Variants in TTLL11 observed in about 807,000 individuals in gnomAD.
TTLL11 encodes the protein tubulin tyrosine ligase like 11.
Under a neutral mutation model 51.7 loss-of-function variants are expected in TTLL11, and 42 were observed. The observed-to-expected ratio is 0.81, with a 90% CI of 0.64 to 1.05. The LOEUF (loss-of-function observed/expected upper bound fraction) is 1.05, where lower values mean the gene tolerates loss of function less well. Among genes scored for constraint, TTLL11 ranks in the 50% least tolerant of loss-of-function variants. TTLL11 has a pLI of 0.00. For synonymous variants in TTLL11, 381 were observed against 383.5 expected, an observed-to-expected ratio of 0.99 and a Z score of 0.08; for missense variants, 799 against 940.4, an observed-to-expected ratio of 0.85 and a Z score of 1.97.
chr9:121,921,729 G>A (rs1840552732), intron 6 of TTLL11, among the ~76,000 whole-genome samples: 2 of 152,130 alleles, frequency 1.3e-5, no homozygotes, highest in African/African-American at 2.4e-5. Context: ...AGGGAGCAGG[G>A]GATTGAAAAT....
At chr9:122,076,408 C>A (rs1845860033) in intron 1 of TTLL11, among the ~76,000 whole-genome samples, 1 of 152,164 alleles carries the variant, frequency 6.6e-6, no homozygotes, top group Admixed American at 6.5e-5. Context: ...CTCTGAAATG[C>A]CACATCCTCA....
At chr9:121,967,817 G>T (rs1842447596) in intron 6 of TTLL11, among the ~76,000 whole-genome samples, 1 of 152,150 alleles carries the variant, frequency 6.6e-6, no homozygotes, top group African/African-American at 2.4e-5. Flanking sequence ...GCTGTAAAAA[G>T]GAATGAAGTA....
chr9:122,071,233 C>T (rs1845718915), intron 1 of TTLL11, among the ~76,000 whole-genome samples: 1 of 152,168 alleles, frequency 6.6e-6, no homozygotes, highest in East Asian at 1.9e-4. Context: ...TTTGATTTAA[C>T]TCTGTGTTTT....
At chr9:121,855,974 G>C (rs931231293) in intron 8 of TTLL11, among the ~76,000 whole-genome samples, 4 of 152,182 alleles carry the variant, frequency 2.6e-5, no homozygotes. Context: ...ATCGTCAACT[G>C]TATGTCATAT....
intron 6 of TTLL11, among the ~76,000 whole-genome samples, chr9:121,904,694 C>CT (rs1839877775): frequency 6.6e-6 from 1 of 152,240 alleles, no homozygotes; most frequent in African/African-American, 2.4e-5. Context: ...TCCAACTGGG[C>CT]TTCTGCCCTT....
At chr9:122,058,410 A>G (rs909800462) in intron 1 of TTLL11, among the ~76,000 whole-genome samples, 2 of 152,204 alleles carry the variant, frequency 1.3e-5, no homozygotes, top group African/African-American at 4.8e-5. Context: ...TACAGCTGTC[A>G]TGTTCAGATT....
In TTLL11 at chr9:121,822,523, C is replaced by A; in HGVS notation, c.*64G>T. 1 of 1,390,874 alleles carries A rather than the reference C, an allele frequency of 7.2e-7. No homozygotes were observed. The highest frequency in any genetic ancestry group is 9.4e-7 in the Non-Finnish European group (1 of 1,061,756). 86.2% of individuals were successfully genotyped at this position (1,390,874 alleles called of 1,614,324 possible). The stretch of plus-strand genomic sequence containing the variant: ...CTGCCATTCCTCTGCAGGCAGAATG[C>A]CTGGGGCGCTCCAGCCCTGAAAGCT... On this transcript the variant is annotated 3_prime_UTR_variant, in exon 9 of 9. Transcript: ENST00000321582. This position sits in a 1 kb window ranked among gnomAD's most constrained non-coding sequence, Gnocchi z 5.8.
chr9:122,069,323 A>G (rs1332376607), intron 1 of TTLL11, among the ~76,000 whole-genome samples: 1 of 152,126 alleles, frequency 6.6e-6, no homozygotes, highest in Non-Finnish European at 1.5e-5. Context: ...TTCAAAGCAA[A>G]GCGTGCGTGG....
At chr9:121,978,219 T>C (rs957419448) in intron 4 of TTLL11, among the ~76,000 whole-genome samples, 1 of 152,176 alleles carries the variant, frequency 6.6e-6, no homozygotes, top group East Asian at 1.9e-4. Context: ...TCCAATAAAA[T>C]ATGTAGCATC....
chr9:122,046,241 TC>T (rs1298209009), intron 1 of TTLL11, among the ~76,000 whole-genome samples: 1 of 152,032 alleles, frequency 6.6e-6, no homozygotes, highest in African/African-American at 2.4e-5. Flanking sequence ...GACAGTGAAT[TC>T]TCACGAGATC....
chr9:121,967,974 T>A (rs1228265095), intron 6 of TTLL11, among the ~76,000 whole-genome samples: 1 of 152,150 alleles, frequency 6.6e-6, no homozygotes, highest in Non-Finnish European at 1.5e-5. Context: ...AGACTGTTGG[T>A]TGCCGGGAAG....
At chr9:122,030,161 A>G (rs1480051260) in intron 3 of TTLL11, among the ~76,000 whole-genome samples, 1 of 138,344 alleles carries the variant, frequency 7.2e-6, no homozygotes, top group Non-Finnish European at 1.6e-5. Context: ...GGTATTCCAC[A>G]TAGCAACAAC....
At chr9:122,079,833 A>G (rs1845955390) in intron 1 of TTLL11, among the ~76,000 whole-genome samples, 1 of 152,088 alleles carries the variant, frequency 6.6e-6, no homozygotes, top group Non-Finnish European at 1.5e-5. Flanking sequence ...AACTAATGAG[A>G]AGGTCAAGGA....
At chr9:122,062,462 C>CTTTTTTTTTTTTT (rs386416145) in intron 1 of TTLL11, among the ~76,000 whole-genome samples, 9 of 77,702 alleles carry the variant, frequency 1.2e-4, no homozygotes, top group African/African-American at 2.3e-4. Flanking sequence ...TTATATTATG[C>CTTTTTTTTTTTTT]TTTTTTTTTT....
intron 1 of TTLL11, among the ~76,000 whole-genome samples, chr9:122,063,186 C>A (rs192306337): frequency 1.0e-3 from 159 of 152,204 alleles, no homozygotes; most frequent in Admixed American, 2.0e-3. Flanking sequence ...TTTTGAAAGC[C>A]ATTTTACATA....
chr9:121,986,963 G>C (rs1187461585), intron 4 of TTLL11, among the ~76,000 whole-genome samples: 1 of 151,776 alleles, frequency 6.6e-6, no homozygotes, highest in African/African-American at 2.4e-5. Flanking sequence ...CAGTACCCAC[G>C]ACCCCCACCA....
intron 1 of TTLL11, among the ~76,000 whole-genome samples, chr9:122,080,363 C>T (rs1039523745): frequency 1.3e-5 from 2 of 152,130 alleles, no homozygotes; most frequent in Non-Finnish European, 2.9e-5. Context: ...CTAATTATTT[C>T]ATTTTTGGAA....
chr9:121,950,598 C>T (rs979428674), intron 6 of TTLL11, among the ~76,000 whole-genome samples: 2 of 152,246 alleles, frequency 1.3e-5, no homozygotes, highest in South Asian at 2.1e-4. Context: ...TGGCTTCTCC[C>T]GGGGACACTT....
chr9:122,038,939 T>C (rs1408019268), intron 2 of TTLL11, among the ~76,000 whole-genome samples: 1 of 152,200 alleles, frequency 6.6e-6, no homozygotes, highest in Non-Finnish European at 1.5e-5. Flanking sequence ...ATGCCTAGAA[T>C]TTTGGTGCTT....
Sources: gnomAD v4.1 joint callset for allele counts (sites outside exome capture counted in the v4.1 genomes callset) on GRCh38, gnomAD v4.1.1 for gene constraint, Gnocchi (gnomAD v3.1) non-coding constraint, MANE v1.5 for transcripts, NCBI Gene and HGNC (gene_info 2026-07-23, HGNC 2026-07-21) for gene names.